The following BCAS3 variants were observed in gnomAD, a reference collection of about 807,000 sequenced individuals.
BCAS3 encodes BCAS3 microtubule associated cell migration factor, also known as BCAS4/BCAS3 fusion.
A neutral mutation model predicts 116.1 loss-of-function variants in BCAS3; 53 were observed. The ratio of observed to expected loss-of-function variants is 0.46; its 90% CI spans 0.37 to 0.57. BCAS3 has a LOEUF of 0.57. BCAS3 is among the 20% of genes least tolerant of loss of function. The pLI, the probability that BCAS3 is intolerant of heterozygous loss-of-function variation, is 0.00. For synonymous variants in BCAS3, 391 were observed against 408.2 expected (o/e 0.96, Z 0.51); for missense variants, 917 against 1,165.4 (o/e 0.79, Z 3.10).
rs566784138 is a variant in BCAS3, at chr17:60,834,373, A to G, written c.476+26297A>G. ...CTAAAATGTTTCCTGTTCTGTCTTG[A>G]TATAACAGGTTGTTCCTTGATTTTG... On this transcript the variant is annotated intron_variant, in intron 7 of 23. Transcript: ENST00000407086. Among the ~76,000 whole-genome samples the G allele has an allele frequency of 3.3e-5, 5 of 152,142 alleles. No individual in the cohort carries two copies. The South Asian group carries it at 6.2e-4, about 19-fold the overall frequency.
At chr17:61,046,057 T>TTA (rs1491372530) in intron 19 of BCAS3, among the ~76,000 whole-genome samples, 5 of 19,096 alleles carry the variant, frequency 2.6e-4, no homozygotes, top group East Asian at 2.5e-3. Context: ...AATATATATA[T>TTA]TATATATATA....
intron 12 of BCAS3, among the ~76,000 whole-genome samples, chr17:60,917,413 C>T (rs1012299358): frequency 5.9e-5 from 9 of 152,082 alleles, no homozygotes; most frequent in Admixed American, 3.9e-4. Context: ...CTACAGTATT[C>T]ATCCTTTTGT....
chr17:60,968,977 C>T (rs2061806070), intron 14 of BCAS3, among the ~76,000 whole-genome samples: 1 of 150,582 alleles, frequency 6.6e-6, no homozygotes, highest in African/African-American at 2.5e-5. Context: ...TCACTTTTTC[C>T]AGTATAGTCA....
intron 7 of BCAS3, among the ~76,000 whole-genome samples, chr17:60,830,318 TTTGAG>T (rs1369355517): frequency 6.6e-6 from 1 of 152,138 alleles, no homozygotes; most frequent in Non-Finnish European, 1.5e-5. Context: ...TTTCTTTATG[TTTGAG>T]AACTGTAAAA....
chr17:61,076,237 C>T (rs529370709), intron 20 of BCAS3, among the ~76,000 whole-genome samples: 3 of 152,324 alleles, frequency 2.0e-5, no homozygotes, highest in African/African-American at 4.8e-5. Flanking sequence ...AATGACCTAT[C>T]TCAGGTTACC....
intron 6 of BCAS3, among the ~76,000 whole-genome samples, chr17:60,764,374 C>A (rs1264021259): frequency 6.6e-6 from 1 of 152,066 alleles, no homozygotes; most frequent in East Asian, 1.9e-4. Flanking sequence ...TAAATGTGTC[C>A]CAGAGATTCT....
rs1319929171 is a variant in BCAS3, at chr17:60,961,486, T to C, written c.1221+14134T>C. On this transcript the variant is annotated intron_variant, in intron 14 of 23. Transcript: ENST00000407086. This position sits in a 1 kb window ranked among gnomAD's most constrained non-coding sequence, Gnocchi z 4.8. ...CTCGAGATTACCCAGATGTAGTAAA[T>C]TATAAAAATTATTTTATTTTTAAAA... Among the ~76,000 whole-genome samples, 2 of 152,086 alleles carry C rather than the reference T, an allele frequency of 1.3e-5. 1 individual carries two copies.
rs566505320 is a variant in BCAS3 at position 61,373,193 on chromosome 17, A to G, written c.2593+4699A>G. Among the ~76,000 whole-genome samples, 109 of 149,226 alleles carry G rather than the reference A, an allele frequency of 7.3e-4. 1 individual carries two copies. The highest frequency in any genetic ancestry group is 2.6e-3 in the African/African-American group (105 of 40,402). ...GCAACCTCCGTCTCTGGGTTCAAGC[A>G]ATTCTCCTGCCTCAGCTTCCCGAGT... On this transcript the variant is annotated intron_variant, in intron 23 of 23. Transcript: ENST00000407086.
intron 13 of BCAS3, among the ~76,000 whole-genome samples, chr17:60,939,207 G>T (rs1414323169): frequency 2.0e-5 from 3 of 152,158 alleles, no homozygotes; most frequent in Non-Finnish European, 4.4e-5. Context: ...GAGGTGGGTA[G>T]ATCACTTGAG....
In BCAS3 at chr17:61,390,800, G is replaced by T. The variant is rs62071303; in HGVS notation, c.2594-1177G>T. 0.016 allele frequency: 2,445 copies of T among 152,506 alleles called. 31 individuals carry two copies. Among genetic ancestry groups the T allele is most frequent in the Middle Eastern group, 0.047 (14 of 296 alleles). 9.4% of individuals were successfully genotyped at this position (152,506 alleles called of 1,614,324 possible). A position where few individuals can be genotyped will look rare whatever the true frequency, so the allele number is the denominator to read the frequency against. On this transcript the variant is annotated intron_variant, in intron 23 of 23. Coordinates refer to ENST00000407086, the MANE Select transcript of BCAS3 (RefSeq NM_017679.5). This position sits in a 1 kb window ranked among gnomAD's most constrained non-coding sequence, Gnocchi z 6.8. ...CAAGGTCTCAAGCCAGACCAGACGAGTGCAACGTTTTTGCACATCTTGCTG... is the reference window on the plus strand; with the variant it reads ...CAAGGTCTCAAGCCAGACCAGACGATTGCAACGTTTTTGCACATCTTGCTG...
At chr17:61,070,118 C>G (rs371010147) in intron 19 of BCAS3, 32 of 1,571,312 alleles carry the variant, frequency 2.0e-5, no homozygotes, top group Non-Finnish European at 1.0e-5. Context: ...CCGCTGACCA[C>G]TGAGTCTGCC....
At chr17:61,305,898 A>G (rs777654980) in intron 22 of BCAS3, among the ~76,000 whole-genome samples, 2 of 152,138 alleles carry the variant, frequency 1.3e-5, no homozygotes, top group African/African-American at 2.4e-5. Flanking sequence ...TCCATCTCAA[A>G]TAATAATAAT....
intron 22 of BCAS3, chr17:61,157,449 T>G (rs2077913764): frequency 6.6e-6 from 1 of 152,148 alleles, no homozygotes; most frequent in African/African-American, 2.4e-5. Context: ...TCCCCTTGTT[T>G]GTTGCAGAAG....
At chr17:61,071,766 ATGTT>A (rs1253520383) in intron 19 of BCAS3, among the ~76,000 whole-genome samples, 31 of 152,216 alleles carry the variant, frequency 2.0e-4, no homozygotes, top group Non-Finnish European at 2.9e-5. Flanking sequence ...ATCTAGTTGT[ATGTT>A]TAACACCACA....
chr17:61,279,275 G>A lies in BCAS3; in HGVS notation c.2426-89052G>A, dbSNP rs1568738684. ...ATTATATACTTTAAGTGGGTGAATTGTATGTTAGGTGAATTATATCTCAAT... is the reference window on the plus strand; with the variant it reads ...ATTATATACTTTAAGTGGGTGAATTATATGTTAGGTGAATTATATCTCAAT... On this transcript the variant is annotated intron_variant, in intron 22 of 23. Transcript: ENST00000407086. This position sits in a 1 kb window ranked among gnomAD's most constrained non-coding sequence, Gnocchi z 4.4. 6.6e-6 allele frequency among the ~76,000 whole-genome samples: 1 copy of A among 152,056 alleles called. No individual in the cohort carries two copies. Among genetic ancestry groups the A allele is most frequent in the Non-Finnish European group, 1.5e-5 (1 of 68,004 alleles).
chr17:61,237,611 C>G (rs1039620346), intron 22 of BCAS3, among the ~76,000 whole-genome samples: 3 of 152,192 alleles, frequency 2.0e-5, no homozygotes, highest in African/African-American at 7.2e-5. Flanking sequence ...TTGAAGTCAG[C>G]AAGACCCTGA....
In BCAS3 at chr17:61,092,580, A is replaced by G. The variant is rs375970294; in HGVS notation, c.2425+8016A>G. The stretch of plus-strand genomic sequence containing the variant: ...TTAACCATTCCAGTGGATGTGAACT[A>G]TGGTTTGAATTTGCTTTTCTCTGTT... On this transcript the variant is annotated intron_variant, in intron 22 of 23. Transcript: ENST00000407086. Among the ~76,000 whole-genome samples, 37 of 152,270 alleles carry G rather than the reference A, an allele frequency of 2.4e-4. No individual in the cohort carries two copies. The East Asian group carries it at 6.9e-3, about 29-fold the overall frequency.
intron 14 of BCAS3, among the ~76,000 whole-genome samples, chr17:60,987,345 A>G (rs886113003): frequency 6.9e-6 from 1 of 145,678 alleles, no homozygotes; most frequent in Admixed American, 6.8e-5. Flanking sequence ...CTCTATATAC[A>G]TTTTAGGATT....
In BCAS3 at chr17:60,960,791, T is replaced by G. The variant is rs2061374173; in HGVS notation, c.1221+13439T>G. 6.6e-6 allele frequency among the ~76,000 whole-genome samples: 1 copy of G among 152,014 alleles called. No homozygotes were observed. The highest frequency in any genetic ancestry group is 1.9e-4 in the East Asian group (1 of 5,180). On this transcript the variant is annotated intron_variant, in intron 14 of 23. Coordinates refer to ENST00000407086, the MANE Select transcript of BCAS3 (RefSeq NM_017679.5). This position sits in a 1 kb window ranked among gnomAD's most constrained non-coding sequence, Gnocchi z 4.1. ...CTTCTTCTTCTTTTTCTTTTTTTTT[T>G]TTTAATCATGCCTTTGTGCCTTTCA... is the stretch of plus-strand genomic sequence containing the variant.
Sources: gnomAD v4.1 joint callset for allele counts (sites outside exome capture counted in the v4.1 genomes callset) on GRCh38, gnomAD v4.1.1 for gene constraint, Gnocchi (gnomAD v3.1) non-coding constraint, MANE v1.5 for transcripts, NCBI Gene and HGNC (gene_info 2026-07-23, HGNC 2026-07-21) for gene names.